Variants in GAPVD1 observed in about 807,000 individuals in gnomAD.
GAPVD1 encodes GTPase-activating protein and VPS9 domain-containing protein 1.
GAPVD1 carries 35 observed loss-of-function variants against 155.5 expected under a neutral mutation model. That is an observed-to-expected ratio of 0.23 (90% CI 0.17 to 0.30). GAPVD1 has a LOEUF of 0.30. GAPVD1 is among the 10% of genes least tolerant of loss of function. The pLI is 1.00. For missense variants in GAPVD1, 1,429 were observed against 1,775.7 expected (o/e 0.80, Z 3.51); for synonymous variants, 636 against 619.7 (o/e 1.03, Z -0.39).
rs1469538146 is a variant in GAPVD1, at chr9:125,354,662, C to T, written c.3578C>T (p.Ala1193Val). 1.2e-6 allele frequency: 2 copies of T among 1,606,692 alleles called. No homozygotes were observed. The highest frequency in any genetic ancestry group is 1.7e-6 in the Non-Finnish European group (2 of 1,173,998). ...AGTATTTTTCCTTTTAGAAAAAGAGCCCCATATATTGCTTATCTCACTCGT... is the reference window on the plus strand; with the variant it reads ...AGTATTTTTCCTTTTAGAAAAAGAGTCCCATATATTGCTTATCTCACTCGT... ...ASIAEDYRKR[A>V]PYIAYLTRCR... The change falls in exon 24 of 28, where the codon GCC becomes GTC. Residue 1193 changes from alanine (A) to valine (V), a missense_variant. Around this residue, in one of 4 missense-constraint regions of GAPVD1, gnomAD observed 699 missense variants for 826.0 expected, o/e 0.85. Coordinates refer to ENST00000297933, the MANE Select transcript of GAPVD1 (RefSeq NM_001282680.3).
rs1278496840 is a variant in GAPVD1 at position 125,305,115 on chromosome 9, C to G, written c.1082C>G (p.Pro361Arg). 3 of 1,613,784 alleles carry G rather than the reference C, an allele frequency of 1.9e-6. No homozygotes were observed. The South Asian group carries it at 3.3e-5, about 18-fold the overall frequency. The change falls in exon 6 of 28, where the codon CCC becomes CGC. Residue 361 changes from proline (P) to arginine (R), a missense_variant. Physicochemically the swap from Pro to Arg is moderately radical, Grantham distance 103 (BLOSUM62 -2). Around this residue, in one of 4 missense-constraint regions of GAPVD1, gnomAD observed 628 missense variants for 733.4 expected, o/e 0.86. Coordinates refer to ENST00000297933, the MANE Select transcript of GAPVD1 (RefSeq NM_001282680.3). ...LAMTGSEEGDPRTKSSLGKFD... is the reference protein window; with the variant it reads ...LAMTGSEEGDRRTKSSLGKFD... The stretch of plus-strand genomic sequence containing the variant: ...ATGACTGGCTCTGAAGAGGGAGATC[C>G]CCGAACAAAGAGCAGCCTTGGAAAG...
chr9:125,281,943 A>T (rs1836856349), intron 2 of GAPVD1, among the ~76,000 whole-genome samples: 1 of 151,630 alleles, frequency 6.6e-6, no homozygotes, highest in Non-Finnish European at 1.5e-5. Context: ...TCAGCCTCCC[A>T]AGTAGCTGGG....
intron 2 of GAPVD1, among the ~76,000 whole-genome samples, chr9:125,289,562 A>G (rs1390323437): frequency 6.6e-6 from 1 of 152,158 alleles, no homozygotes; most frequent in Non-Finnish European, 1.5e-5. Context: ...AGTTGGAAGG[A>G]TGGAATTGCC....
In GAPVD1 at chr9:125,323,826, C is replaced by T; in HGVS notation, c.1761C>T (p.Ser587=). ...CTTCAAATCGCTCCAATTCAGTGTC[C>T]TCCCTAGACCTAGAAGGAGAGTCTG... is the stretch of plus-strand genomic sequence containing the variant. ...EGPSNRSNSV[S]SLDLEGESVS... The change falls in exon 11 of 28, where the codon TCC becomes TCT. Residue 587 remains serine, a synonymous_variant. Transcript: ENST00000297933. 6.2e-7 allele frequency: 1 copy of T among 1,613,120 alleles called. No individual in the cohort carries two copies. The highest frequency in any genetic ancestry group is 8.5e-7 in the Non-Finnish European group (1 of 1,179,170).
At chr9:125,272,325 A>G (rs1042366410) in intron 2 of GAPVD1, among the ~76,000 whole-genome samples, 2 of 152,188 alleles carry the variant, frequency 1.3e-5, no homozygotes, top group African/African-American at 4.8e-5. Flanking sequence ...CCCAGCCAAA[A>G]ATACATTAAT....
chr9:125,321,351 G>C, intron 9 of GAPVD1, 82 bp from the exon 10 acceptor site: 1 of 949,284 alleles, frequency 1.1e-6, no homozygotes, highest in Non-Finnish European at 1.6e-6. Context: ...AGATTAAGGA[G>C]TTAAATATGC....
intron 13 of GAPVD1, among the ~76,000 whole-genome samples, chr9:125,331,420 C>T (rs1050427477): frequency 6.6e-6 from 1 of 152,042 alleles, no homozygotes; most frequent in Admixed American, 6.6e-5. Context: ...ATGCTGGTCT[C>T]GAACTCCTGA....
chr9:125,331,576 C>T (rs1408995212), intron 13 of GAPVD1, among the ~76,000 whole-genome samples: 2 of 152,162 alleles, frequency 1.3e-5, no homozygotes, highest in South Asian at 2.1e-4. Flanking sequence ...ATTAGCTTAC[C>T]AGCTGTTGAG....
At chr9:125,262,847 C>G (rs1833158251) in intron 1 of GAPVD1, among the ~76,000 whole-genome samples, 1 of 152,140 alleles carries the variant, frequency 6.6e-6, no homozygotes, top group Non-Finnish European at 1.5e-5. Context: ...ATGTGGACAA[C>G]AAGCCAGAGT....
At chr9:125,293,513 G>A (rs1838934912) in intron 2 of GAPVD1, among the ~76,000 whole-genome samples, 1 of 145,046 alleles carries the variant, frequency 6.9e-6, no homozygotes, top group Admixed American at 7.2e-5. Context: ...GCATTGGTGT[G>A]ATCTCAGTTG....
At chr9:125,274,292 A>G (rs1314691567) in intron 2 of GAPVD1, among the ~76,000 whole-genome samples, 2 of 152,062 alleles carry the variant, frequency 1.3e-5, no homozygotes, top group African/African-American at 4.8e-5. Flanking sequence ...TGTTGGGATT[A>G]CAGGTGTGAG....
chr9:125,303,487 A>T (rs1474355268), intron 5 of GAPVD1, among the ~76,000 whole-genome samples: 5 of 150,844 alleles, frequency 3.3e-5, no homozygotes, highest in Admixed American at 2.7e-4. Flanking sequence ...TTAAAAAAAA[A>T]AAAAATTGGC....
chr9:125,267,734 T>C (rs2131704091), intron 1 of GAPVD1, among the ~76,000 whole-genome samples: 1 of 151,740 alleles, frequency 6.6e-6, no homozygotes, highest in Admixed American at 6.6e-5. Flanking sequence ...TTTTTTTTTA[T>C]TGGGAAGACA....
rs1215799509 is a variant in GAPVD1 at position 125,298,894 on chromosome 9, C to G, written c.-28C>G. On this transcript the variant is annotated 5_prime_UTR_variant, in exon 4 of 28. In the 5' UTR this introduces an upstream ATG that the reference lacks. Coordinates refer to ENST00000297933, the MANE Select transcript of GAPVD1 (RefSeq NM_001282680.3). The stretch of plus-strand genomic sequence containing the variant: ...TCTTTATCTTTTTACTCTTAGTGAT[C>G]AGCCTTTGAGCCTTTCCCACATTGA... The G allele has an allele frequency of 6.3e-6, 9 of 1,430,526 alleles. No homozygotes were observed. Among genetic ancestry groups the G allele is most frequent in the Non-Finnish European group, 8.6e-6 (9 of 1,042,842 alleles). The allele number at this position is 1,430,526 out of a possible 1,614,324, so 88.6% of individuals were successfully genotyped here.
At chr9:125,354,907 C>T in intron 24 of GAPVD1, 66 bp downstream of exon 24, 1 of 1,159,892 alleles carries the variant, frequency 8.6e-7, no homozygotes, top group Non-Finnish European at 1.3e-6. Context: ...TTTAGAAATA[C>T]TGTTTTGTTT....
At chr9:125,353,366 C>T (rs570327705) in intron 23 of GAPVD1, among the ~76,000 whole-genome samples, 3 of 152,264 alleles carry the variant, frequency 2.0e-5, no homozygotes, top group East Asian at 1.9e-4. Flanking sequence ...TCAGCATTTT[C>T]GTCAAAGCCA....
chr9:125,343,175 T>C (rs1848058022), intron 19 of GAPVD1, among the ~76,000 whole-genome samples: 1 of 151,544 alleles, frequency 6.6e-6, no homozygotes, highest in Admixed American at 6.6e-5. Flanking sequence ...TAAAACAGTA[T>C]GAGATTTATG....
intron 17 of GAPVD1, among the ~76,000 whole-genome samples, chr9:125,339,216 T>C (rs1756290699): frequency 6.6e-6 from 1 of 152,126 alleles, no homozygotes; most frequent in South Asian, 2.1e-4. Context: ...TCTTGAACTC[T>C]TGGGCTCAAA....
chr9:125,305,286 A>G lies in GAPVD1; in HGVS notation c.1116+137A>G, dbSNP rs1292640184. 6 of 592,294 alleles carry G rather than the reference A, an allele frequency of 1.0e-5. No homozygotes were observed. The Admixed American group carries it at 1.7e-4, about 17-fold the overall frequency. The allele number at this position is 592,294 out of a possible 1,614,324, so 36.7% of individuals were successfully genotyped here. A position where few individuals can be genotyped will look rare whatever the true frequency, so the allele number is the denominator to read the frequency against. On this transcript the variant is annotated intron_variant, in intron 6 of 27. Coordinates refer to ENST00000297933, the MANE Select transcript of GAPVD1 (RefSeq NM_001282680.3). ...CTACAGTATTGGATCAGCAGCATTT[A>G]AAGATGATTAATTCCCACAGATGTA...
Sources: allele counts gnomAD v4.1 joint callset (sites outside exome capture counted in the v4.1 genomes callset), GRCh38; gene constraint gnomAD v4.1.1; regional missense constraint gnomAD v4.1.1; transcripts MANE v1.5; gene names NCBI Gene and HGNC (gene_info 2026-07-23, HGNC 2026-07-21).